CATSPERD: variants seen among roughly 807,000 people sequenced by gnomAD.
CATSPERD encodes catsper channel auxiliary subunit delta.
Under a neutral mutation model 98.1 loss-of-function variants are expected in CATSPERD, and 86 were observed. The ratio of observed to expected loss-of-function variants is 0.88; its 90% confidence interval spans 0.74 to 1.05. The LOEUF is 1.05. Ranked by LOEUF, CATSPERD falls within the 50% of genes least tolerant of loss-of-function variation. The pLI is 0.00. For synonymous variants in CATSPERD, 394 were observed against 390.2 expected, an observed-to-expected ratio of 1.01 and a Z score of -0.12; for missense variants, 995 against 1,005.7, an observed-to-expected ratio of 0.99 and a Z score of 0.14.
chr19:5,778,025 G>A (rs1029975233), intron 21 of CATSPERD, among the ~76,000 whole-genome samples: 1 of 151,768 alleles, frequency 6.6e-6, no homozygotes, highest in African/African-American at 2.4e-5. Context: ...CCTGGCCGAG[G>A]TGAAACCCCA....
chr19:5,750,186 C>T (rs534299528), intron 11 of CATSPERD, among the ~76,000 whole-genome samples: 11 of 147,928 alleles, frequency 7.4e-5, no homozygotes, highest in South Asian at 4.3e-4. Context: ...TGGTGGCTCA[C>T]GCCTGTAATC....
chr19:5,769,984 G>A (rs986271180), intron 18 of CATSPERD, among the ~76,000 whole-genome samples: 8 of 151,742 alleles, frequency 5.3e-5, no homozygotes, highest in Non-Finnish European at 7.4e-5. Flanking sequence ...AGCTACTCAG[G>A]AGGCTGAGGT....
At chr19:5,759,194 C>T in intron 15 of CATSPERD, 50 bp downstream of exon 15, 1 of 1,548,114 alleles carries the variant, frequency 6.5e-7, no homozygotes, top group Non-Finnish European at 8.9e-7. Context: ...ACAGGGGTTT[C>T]CTTAGCAGGA....
intron 17 of CATSPERD, 56 bp downstream of exon 17, chr19:5,766,211 G>C: frequency 6.6e-7 from 1 of 1,519,400 alleles, no homozygotes; most frequent in Non-Finnish European, 9.0e-7. Flanking sequence ...AGCACTTTGG[G>C]AGGCCGAGGT....
chr19:5,750,284 TAA>T (rs907444746), intron 11 of CATSPERD, among the ~76,000 whole-genome samples: 1 of 147,306 alleles, frequency 6.8e-6, no homozygotes, highest in Non-Finnish European at 1.5e-5. Context: ...CCGTCTCTAC[TAA>T]AAAAAATACG....
Position 5,741,620 on chromosome 19 carries a change from C to T in CATSPERD, c.573+2181C>T, listed in dbSNP as rs557511035. ...GCATGAATTTTGGAGGGGAAACCAT[C>T]ATTCAAACCATAGCAGGAAACTGAC... On this transcript the variant is annotated intron_variant, in intron 7 of 21. Transcript: ENST00000381624. 4.6e-5 allele frequency among the ~76,000 whole-genome samples: 7 copies of T among 152,036 alleles called. No individual in the cohort carries two copies. The South Asian group carries it at 1.2e-3, about 27-fold the overall frequency.
intron 5 of CATSPERD, 53 bp downstream of exon 5, chr19:5,734,023 A>AAG: frequency 9.4e-7 from 1 of 1,062,804 alleles, no homozygotes; most frequent in East Asian, 2.4e-5. Flanking sequence ...AACATGAGAG[A>AAG]AGAGGGTATT....
intron 1 of CATSPERD, among the ~76,000 whole-genome samples, chr19:5,723,576 T>C (rs550592361): frequency 1.6e-3 from 239 of 150,140 alleles, no homozygotes; most frequent in African/African-American, 5.8e-3. Flanking sequence ...ACCATTCTCC[T>C]GCCTCAGCCT....
chr19:5,746,355 G>A (rs2056093525), intron 9 of CATSPERD, among the ~76,000 whole-genome samples: 1 of 152,120 alleles, frequency 6.6e-6, no homozygotes, highest in Non-Finnish European at 1.5e-5. Flanking sequence ...TTTAGGTCGC[G>A]TCTGGGAAAA....
intron 5 of CATSPERD, among the ~76,000 whole-genome samples, chr19:5,735,671 C>T (rs2055830312): frequency 6.6e-6 from 1 of 151,956 alleles, no homozygotes; most frequent in African/African-American, 2.4e-5. Flanking sequence ...GATGGGGTTC[C>T]ACCATGTTGG....
rs762302113 is a variant in CATSPERD, at chr19:5,739,399, C to G, written c.533C>G (p.Thr178Ser). 1 of 1,580,468 alleles carries G rather than the reference C, an allele frequency of 6.3e-7. No individual in the cohort carries two copies. The highest frequency in any genetic ancestry group is 8.6e-7 in the Non-Finnish European group (1 of 1,167,966). ...CAGACTTATATATATTATTCAAATA[C>G]TGGGGGATTCAGTTTTTGGAAGTAT... ...ISQTYIYYSN[T>S]GGFSFWKYHY... The change falls in exon 7 of 22, where the codon ACT (threonine) becomes AGT (serine). Residue 178 changes from threonine to serine, a missense_variant. By Grantham distance (58) the Thr-to-Ser change is moderately conservative (BLOSUM62 1). Coordinates refer to ENST00000381624, the MANE Select transcript of CATSPERD (RefSeq NM_152784.4).
intron 4 of CATSPERD, among the ~76,000 whole-genome samples, chr19:5,733,470 C>A (rs2145706779): frequency 7.0e-6 from 1 of 143,306 alleles, no homozygotes; most frequent in Non-Finnish European, 1.5e-5. Context: ...TATTTCTTTT[C>A]TTTCTTTCTT....
chr19:5,751,513 G>C, intron 11 of CATSPERD, 134 bp from the exon 12 acceptor site: 1 of 594,976 alleles, frequency 1.7e-6, no homozygotes, highest in Non-Finnish European at 2.3e-6. Context: ...CAGCCTGGGA[G>C]ACAGAGTGAG....
At chr19:5,767,036 G>T (rs1320484245) in intron 17 of CATSPERD, among the ~76,000 whole-genome samples, 1 of 150,962 alleles carries the variant, frequency 6.6e-6, no homozygotes, top group Admixed American at 6.6e-5. Flanking sequence ...CCAGACCAGT[G>T]GCCGGGCACG....
rs762747597 is a variant in CATSPERD at position 5,771,081 on chromosome 19, C to T, written c.1763+9C>T. ...AAGCCCGTGGTGGAGCTGTAAGACC[C>T]CAGGGGGGTGCTGCAGGGTGGGGAC... On this transcript the variant is annotated intron_variant, in intron 19 of 21. Coordinates refer to ENST00000381624, the MANE Select transcript of CATSPERD (RefSeq NM_152784.4). 3.1e-6 allele frequency: 5 copies of T among 1,611,212 alleles called. No individual in the cohort carries two copies. The African/African-American group carries it at 6.7e-5, about 22-fold the overall frequency.
At chr19:5,755,738 A>G (rs1041786807) in intron 13 of CATSPERD, among the ~76,000 whole-genome samples, 2 of 152,032 alleles carry the variant, frequency 1.3e-5, no homozygotes, top group African/African-American at 4.8e-5. Context: ...GTGCCATTGC[A>G]CTCCAGCCTG....
Position 5,766,104 on chromosome 19 carries a change from C to A in CATSPERD, c.1508C>A (p.Ser503Ter). 1 of 1,612,558 alleles carries A rather than the reference C, an allele frequency of 6.2e-7. No individual in the cohort carries two copies. The highest frequency in any genetic ancestry group is 1.1e-5 in the South Asian group (1 of 90,906). Residue 503 changes from serine to a stop codon, truncating the protein, a stop_gained and splice_region_variant, in exon 17 of 22, where the codon TCG (serine) becomes TAG (stop). Coordinates refer to ENST00000381624, the MANE Select transcript of CATSPERD (RefSeq NM_152784.4). LOFTEE classifies it high-confidence loss of function. ...TATTTCTGTCTCTCTCCTCTGCAGT[C>A]GACACTGATTTCAGTTGGCTGCGAC... ...EISCVDIKPL[S>*]TLISVGCDLD... is the part of the protein sequence containing the mutation.
At chr19:5,775,522 A>T (rs1294446406) in intron 20 of CATSPERD, among the ~76,000 whole-genome samples, 1 of 150,726 alleles carries the variant, frequency 6.6e-6, no homozygotes, top group Non-Finnish European at 1.5e-5. Flanking sequence ...GGTGGCGGGC[A>T]CCTGTAGTCC....
At chr19:5,750,450 CAAAAAA>C (rs60496454) in intron 11 of CATSPERD, among the ~76,000 whole-genome samples, 2 of 48,672 alleles carry the variant, frequency 4.1e-5, no homozygotes, top group Non-Finnish European at 7.0e-5. Context: ...GACTCTGTCT[CAAAAAA>C]AAAAAAAAAA....
Sources: allele counts gnomAD v4.1 joint callset (sites outside exome capture counted in the v4.1 genomes callset), GRCh38; gene constraint gnomAD v4.1.1; transcripts MANE v1.5; gene names NCBI Gene and HGNC (gene_info 2026-07-23, HGNC 2026-07-21).